Variants in STAT4 observed in about 807,000 individuals in gnomAD.
STAT4 encodes signal transducer and activator of transcription 4.
Under a neutral mutation model 110.5 loss-of-function variants are expected in STAT4, and 42 were observed. The ratio of observed to expected loss-of-function variants is 0.38; its 90% confidence interval spans 0.30 to 0.49. The LOEUF is 0.49. STAT4 is among the 20% of genes least tolerant of loss of function. The probability of loss-of-function intolerance (pLI) is 0.95; values close to 1 mark genes in which losing one functional copy is unlikely to be tolerated. For synonymous variants in STAT4, 284 were observed against 302.2 expected (o/e 0.94, Z 0.63); for missense variants, 632 against 887.9 (o/e 0.71, Z 3.66).
In STAT4 at chr2:191,033,650, T is replaced by C. The variant is rs1574692620; in HGVS notation, c.1716-24A>G. On this transcript the variant is annotated intron_variant, in intron 19 of 23. Transcript: ENST00000392320. The surrounding 1 kb of genome is among the most constrained non-coding windows in gnomAD (Gnocchi z 6.9). Reference sequence around the variant, plus strand: ...ACCTAAAAATAGAACATGCATTATTTCATCTGATCATTATTGGATTTTCAC... The same window carrying C: ...ACCTAAAAATAGAACATGCATTATTCCATCTGATCATTATTGGATTTTCAC... 2.5e-6 allele frequency: 4 copies of C among 1,605,660 alleles called. No individual in the cohort carries two copies. Among genetic ancestry groups the C allele is most frequent in the Non-Finnish European group, 8.5e-7 (1 of 1,177,204 alleles).
chr2:191,089,558 A>G (rs538387437), intron 3 of STAT4, among the ~76,000 whole-genome samples: 1 of 152,240 alleles, frequency 6.6e-6, no homozygotes, highest in Non-Finnish European at 1.5e-5. Flanking sequence ...ACCCCTTGGT[A>G]TTTATCTAAA....
chr2:191,084,426 T>G (rs1697578367), intron 3 of STAT4, among the ~76,000 whole-genome samples: 1 of 152,094 alleles, frequency 6.6e-6, no homozygotes, highest in African/African-American at 2.4e-5. Context: ...ACGTCCTAAG[T>G]TTTTCACTAA....
At chr2:191,111,975 C>T (rs563931251) in intron 3 of STAT4, among the ~76,000 whole-genome samples, 1 of 152,154 alleles carries the variant, frequency 6.6e-6, no homozygotes, top group East Asian at 1.9e-4. Context: ...GGCTGGCAGG[C>T]AGAGCACGGA....
At chr2:191,047,796 G>T in intron 14 of STAT4, among the ~76,000 whole-genome samples, 1 of 152,176 alleles carries the variant, frequency 6.6e-6, no homozygotes, top group Middle Eastern at 3.2e-3. Flanking sequence ...CTCCTGAGTA[G>T]CTGGGACTAT....
Position 191,117,773 on chromosome 2 carries a change from C to T in STAT4, c.273+28840G>A, listed in dbSNP as rs1397731923. ...TCTTCCGATGCCTGGATGCATCCCT[C>T]CTTTGTGAACTCCCTGAATCCTACC... On this transcript the variant is annotated intron_variant, in intron 3 of 23. Transcript: ENST00000392320. The surrounding 1 kb of genome is among the most constrained non-coding windows in gnomAD (Gnocchi z 5.2). Among the ~76,000 whole-genome samples, 1 of 152,176 alleles carries T rather than the reference C, an allele frequency of 6.6e-6. No homozygotes were observed. The highest frequency in any genetic ancestry group is 1.5e-5 in the Non-Finnish European group (1 of 68,030).
chr2:191,036,645 T>C (rs1696054252), intron 16 of STAT4, among the ~76,000 whole-genome samples: 1 of 152,220 alleles, frequency 6.6e-6, no homozygotes, highest in African/African-American at 2.4e-5. Context: ...CTTGGCCCTC[T>C]TCCAAGTTGT....
chr2:191,118,663 T>C (rs1367128685), intron 3 of STAT4, among the ~76,000 whole-genome samples: 1 of 152,192 alleles, frequency 6.6e-6, no homozygotes, highest in African/African-American at 2.4e-5. Flanking sequence ...TGAATAATAA[T>C]ACAATGATCT....
Position 191,110,961 on chromosome 2 carries a change from T to C in STAT4, c.274-34636A>G, listed in dbSNP as rs1232168646. On this transcript the variant is annotated intron_variant, in intron 3 of 23. Coordinates refer to ENST00000392320, the MANE Select transcript of STAT4 (RefSeq NM_003151.4). The surrounding 1 kb of genome is among the most constrained non-coding windows in gnomAD (Gnocchi z 4.5). ...ACCAGGCCCAGCGAATTTTTCTGTA[T>C]TTTTAGTAGAGACAAGGTTTCACCA... is the stretch of plus-strand genomic sequence containing the variant. 6.6e-6 allele frequency among the ~76,000 whole-genome samples: 1 copy of C among 152,070 alleles called. No individual in the cohort carries two copies. The highest frequency in any genetic ancestry group is 1.5e-5 in the Non-Finnish European group (1 of 67,994).
intron 4 of STAT4, among the ~76,000 whole-genome samples, 155 bp from the exon 5 acceptor site, chr2:191,073,345 C>T (rs1697219412): frequency 6.6e-6 from 1 of 152,158 alleles, no homozygotes. Flanking sequence ...TATTTAATGA[C>T]ATAAAATTTA....
Position 191,035,128 on chromosome 2 carries a change from A to C in STAT4, c.1571-531T>G, listed in dbSNP as rs941386408. On this transcript the variant is annotated intron_variant, in intron 17 of 23. Coordinates refer to ENST00000392320, the MANE Select transcript of STAT4 (RefSeq NM_003151.4). The surrounding 1 kb of genome is among the most constrained non-coding windows in gnomAD (Gnocchi z 4.7). ...TTGATCCAGAGCAGTGAAAGGATGC[A>C]AGAGTTTCCATCTAAATTTTTAAGG... Among the ~76,000 whole-genome samples, 14 of 152,246 alleles carry C rather than the reference A, an allele frequency of 9.2e-5. No individual in the cohort carries two copies. Among genetic ancestry groups the C allele is most frequent in the Admixed American group, 4.6e-4 (7 of 15,278 alleles).
Position 191,062,745 on chromosome 2 carries a change from G to A in STAT4, c.941+17C>T, listed in dbSNP as rs1331178203. 1 of 1,612,750 alleles carries A rather than the reference G, an allele frequency of 6.2e-7. No individual in the cohort carries two copies. Among genetic ancestry groups the A allele is most frequent in the Non-Finnish European group, 8.5e-7 (1 of 1,179,394 alleles). On this transcript the variant is annotated intron_variant, in intron 9 of 23. Transcript: ENST00000392320. The surrounding 1 kb of genome is among the most constrained non-coding windows in gnomAD (Gnocchi z 4.9). ...ACTTCACAGAATGGAGGATGCCATT[G>A]ATAGCACTTCACTTACTTCTTGAAA...
rs1408638440 is a variant in STAT4, at chr2:191,146,454, GT to G, written c.273+158del. Among the ~76,000 whole-genome samples the G allele has an allele frequency of 2.7e-4, 41 of 152,174 alleles. No individual in the cohort carries two copies. Among genetic ancestry groups the G allele is most frequent in the African/African-American group, 9.6e-4 (40 of 41,540 alleles). ...TTATTTTCAACATTTCATGAAAAAT[GT>G]TAGGTAATAAAATTGAGCACAAAAT... On this transcript the variant is annotated intron_variant, in intron 3 of 23. Transcript: ENST00000392320. This position sits in a 1 kb window ranked among gnomAD's most constrained non-coding sequence, Gnocchi z 4.5.
At chr2:191,052,274 C>T (rs1696548649) in intron 14 of STAT4, among the ~76,000 whole-genome samples, 1 of 152,176 alleles carries the variant, frequency 6.6e-6, no homozygotes, top group Admixed American at 6.5e-5. Flanking sequence ...GTTACTGCTG[C>T]ACACAAGACA....
rs1355841274 is a variant in STAT4 at position 191,060,178 on chromosome 2, G to A, written c.1035-1409C>T. On this transcript the variant is annotated intron_variant, in intron 10 of 23. Transcript: ENST00000392320. This position sits in a 1 kb window ranked among gnomAD's most constrained non-coding sequence, Gnocchi z 4.5. ...CATCAGTTCACACAACATGCAAGTG[G>A]TGCTGATTCAGAGTGCCTCTTCCAC... Among the ~76,000 whole-genome samples the A allele has an allele frequency of 6.6e-6, 1 of 152,116 alleles. No homozygotes were observed. The highest frequency in any genetic ancestry group is 1.5e-5 in the Non-Finnish European group (1 of 68,024).
chr2:191,071,682 G>A (rs747602791), intron 5 of STAT4, among the ~76,000 whole-genome samples: 1 of 152,206 alleles, frequency 6.6e-6, no homozygotes, highest in Non-Finnish European at 1.5e-5. Context: ...CATTCCAAAT[G>A]TTCCGTAGAG....
rs11683169 is a variant in STAT4, at chr2:191,111,833, C to G, written c.273+34780G>C. 2.0e-5 allele frequency among the ~76,000 whole-genome samples: 3 copies of G among 152,154 alleles called. No individual in the cohort carries two copies. The East Asian group carries it at 5.8e-4, about 29-fold the overall frequency. On this transcript the variant is annotated intron_variant, in intron 3 of 23. Transcript: ENST00000392320. ...TCTGATTGCATTACTGCATTCAAGCCTGAGCAACAGGGAAAGACCCTATCT... is the reference window on the plus strand; with the variant it reads ...TCTGATTGCATTACTGCATTCAAGCGTGAGCAACAGGGAAAGACCCTATCT...
chr2:191,123,780 C>A (rs1005763753), intron 3 of STAT4, among the ~76,000 whole-genome samples: 2 of 152,168 alleles, frequency 1.3e-5, no homozygotes, highest in Admixed American at 1.3e-4. Flanking sequence ...TGGCTGGGAG[C>A]AGGGGCTCGC....
In STAT4 at chr2:191,046,998, C is replaced by A. The variant is rs1696371580; in HGVS notation, c.1252-5850G>T. ...TAGGAGTTGGAACTTCTACCCCACTCCCTGACCTCTGGGAAGGGGAGAGGG... is the reference window on the plus strand; with the variant it reads ...TAGGAGTTGGAACTTCTACCCCACTACCTGACCTCTGGGAAGGGGAGAGGG... On this transcript the variant is annotated intron_variant, in intron 14 of 23. Coordinates refer to ENST00000392320, the MANE Select transcript of STAT4 (RefSeq NM_003151.4). This position sits in a 1 kb window ranked among gnomAD's most constrained non-coding sequence, Gnocchi z 4.6. Among the ~76,000 whole-genome samples, 1 of 152,104 alleles carries A rather than the reference C, an allele frequency of 6.6e-6. No individual in the cohort carries two copies. The highest frequency in any genetic ancestry group is 1.5e-5 in the Non-Finnish European group (1 of 68,012).
rs1327700973 is a variant in STAT4 at position 191,032,528 on chromosome 2, G to T, written c.2044+430C>A. Among the ~76,000 whole-genome samples the T allele has an allele frequency of 6.6e-6, 1 of 152,102 alleles. No homozygotes were observed. The highest frequency in any genetic ancestry group is 1.5e-5 in the Non-Finnish European group (1 of 68,018). ...CCCTGAGTTGTAAGACTACAGTAAG[G>T]TTAAAAATATAAAACTTATAAACCC... On this transcript the variant is annotated intron_variant, in intron 21 of 23. Transcript: ENST00000392320. This position sits in a 1 kb window ranked among gnomAD's most constrained non-coding sequence, Gnocchi z 4.9.
Sources: allele counts gnomAD v4.1 joint callset (sites outside exome capture counted in the v4.1 genomes callset), GRCh38; gene constraint gnomAD v4.1.1; non-coding constraint Gnocchi (gnomAD v3.1); transcripts MANE v1.5; gene names NCBI Gene and HGNC (gene_info 2026-07-23, HGNC 2026-07-21).